GAPVD1: variants seen among roughly 807,000 people sequenced by gnomAD.
The protein encoded by GAPVD1 is GTPase-activating protein and VPS9 domain-containing protein 1.
Under a neutral mutation model 155.5 loss-of-function variants are expected in GAPVD1, and 35 were observed. The observed-to-expected ratio is 0.23, with a 90% CI of 0.17 to 0.30. The LOEUF is 0.30. GAPVD1 is among the 10% of genes least tolerant of loss of function. The pLI is 1.00. For synonymous variants in GAPVD1, 636 were observed against 619.7 expected (o/e 1.03, Z -0.39); for missense variants, 1,429 against 1,775.7 (o/e 0.80, Z 3.51).
At position 125,282,775 on chromosome 9, in the gene GAPVD1, G is replaced by C. The variant is rs1588625468; in HGVS notation, c.-149-12683G>C. ...TGAAGATGAGGAAATAAACTTTGGT[G>C]AAGTGCCTAGCCACAAGTCACGTTG... On this transcript the variant is annotated intron_variant, in intron 2 of 27. Coordinates refer to ENST00000297933, the MANE Select transcript of GAPVD1 (RefSeq NM_001282680.3). Among the ~76,000 whole-genome samples the C allele has an allele frequency of 3.3e-5, 5 of 152,240 alleles. 1 individual carries two copies. The highest frequency in any genetic ancestry group is 3.3e-4 in the Admixed American group (5 of 15,278).
At chr9:125,292,353 A>C (rs976251102) in intron 2 of GAPVD1, among the ~76,000 whole-genome samples, 2 of 152,062 alleles carry the variant, frequency 1.3e-5, no homozygotes, top group African/African-American at 2.4e-5. Flanking sequence ...ATTGACATGA[A>C]CAGAAATAAA....
chr9:125,285,368 A>G (rs996581727), intron 2 of GAPVD1, among the ~76,000 whole-genome samples: 14 of 152,068 alleles, frequency 9.2e-5, no homozygotes, highest in Admixed American at 2.0e-4. Context: ...GCTCTCAGTG[A>G]TAAGTGTTAA....
intron 2 of GAPVD1, among the ~76,000 whole-genome samples, chr9:125,293,840 TAA>T (rs1400741666): frequency 5.7e-5 from 5 of 87,156 alleles, no homozygotes; most frequent in African/African-American, 2.6e-4. Flanking sequence ...AATATATATA[TAA>T]AAATATATTT....
intron 9 of GAPVD1, among the ~76,000 whole-genome samples, chr9:125,315,752 C>T (rs1217145425): frequency 2.0e-5 from 3 of 151,986 alleles, no homozygotes; most frequent in African/African-American, 7.3e-5. Context: ...GGGAAGGAGA[C>T]ACCAGGGGGC....
chr9:125,364,221 A>T lies in GAPVD1; in HGVS notation c.*1475A>T, dbSNP rs1232421232. On this transcript the variant is annotated 3_prime_UTR_variant, in exon 28 of 28. Transcript: ENST00000297933. Reference sequence around the variant, plus strand: ...GTGTCTGGGAATGCCTAAAGATTTTATTTTTTTTTCTTTGTTTTTATTTTA... The same window carrying T: ...GTGTCTGGGAATGCCTAAAGATTTTTTTTTTTTTTCTTTGTTTTTATTTTA... 3 of 149,626 alleles carry T rather than the reference A, an allele frequency of 2.0e-5. No individual in the cohort carries two copies. The highest frequency in any genetic ancestry group is 4.9e-5 in the African/African-American group (2 of 40,774). The allele number at this position is 149,626 out of a possible 1,614,324, so 9.3% of individuals were successfully genotyped here. A position where few individuals can be genotyped will look rare whatever the true frequency, so the allele number is the denominator to read the frequency against.
chr9:125,292,228 T>G (rs1838723680), intron 2 of GAPVD1, among the ~76,000 whole-genome samples: 1 of 152,124 alleles, frequency 6.6e-6, no homozygotes, highest in Non-Finnish European at 1.5e-5. Flanking sequence ...AGCAAGACCC[T>G]GTCTCAGCAA....
intron 1 of GAPVD1, among the ~76,000 whole-genome samples, chr9:125,262,956 A>G (rs1833177745): frequency 6.6e-6 from 1 of 152,170 alleles, no homozygotes; most frequent in Non-Finnish European, 1.5e-5. Context: ...ATTTATGGTT[A>G]ACACTTCTTT....
Position 125,326,453 on chromosome 9 carries a change from G to A in GAPVD1, c.1896G>A (p.Lys632=). The A allele has an allele frequency of 1.9e-6, 3 of 1,613,246 alleles. No homozygotes were observed. The highest frequency in any genetic ancestry group is 1.1e-5 in the South Asian group (1 of 91,068). The change falls in exon 12 of 28, where the codon AAG becomes AAA. Residue 632 remains lysine, a synonymous_variant. Transcript: ENST00000297933. ...ATAACCTTGATGATAAGCTAAGGAAGTTTGAAATTCGTGACATGATGGGAT... is the reference window on the plus strand; with the variant it reads ...ATAACCTTGATGATAAGCTAAGGAAATTTGAAATTCGTGACATGATGGGAT... The part of the protein sequence containing the change: ...TQDNLDDKLR[K]FEIRDMMGLT...
intron 2 of GAPVD1, among the ~76,000 whole-genome samples, chr9:125,276,202 C>T (rs1009624143): frequency 2.6e-5 from 4 of 152,132 alleles, no homozygotes; most frequent in Admixed American, 1.3e-4. Flanking sequence ...TTGTGCCAGG[C>T]AGCGTTAGTT....
At chr9:125,282,366 G>T (rs1054051553) in intron 2 of GAPVD1, among the ~76,000 whole-genome samples, 2 of 151,980 alleles carry the variant, frequency 1.3e-5, no homozygotes, top group Admixed American at 1.3e-4. Flanking sequence ...TGAACTCCTG[G>T]CCTCAAGCAA....
intron 6 of GAPVD1, among the ~76,000 whole-genome samples, chr9:125,307,063 C>T (rs1183119453): frequency 2.0e-5 from 3 of 151,894 alleles, no homozygotes; most frequent in Admixed American, 6.6e-5. Context: ...GTCAGGAGTT[C>T]AAGACCAGCC....
At chr9:125,292,534 A>G (rs1588692245) in intron 2 of GAPVD1, among the ~76,000 whole-genome samples, 1 of 152,172 alleles carries the variant, frequency 6.6e-6, no homozygotes, top group East Asian at 1.9e-4. Context: ...CTGGGATTAC[A>G]GGTGTGCACC....
Position 125,312,514 on chromosome 9 carries a change from T to A in GAPVD1, c.1504T>A (p.Ser502Thr), listed in dbSNP as rs747043980. ...CCTACATATGGACCATGAAGGATCA[T>A]CTCAAGAAACCATTCAGGAGGTGCA... is the stretch of plus-strand genomic sequence containing the variant. ...MDLHMDHEGS[S>T]QETIQEVQPE... Residue 502 changes from serine to threonine, a missense_variant, in exon 9 of 28, where the codon TCT becomes ACT. Ser to Thr is a moderately conservative substitution (Grantham distance 58). Transcript: ENST00000297933. 10 of 1,610,206 alleles carry A rather than the reference T, an allele frequency of 6.2e-6. No homozygotes were observed. The highest frequency in any genetic ancestry group is 7.6e-6 in the Non-Finnish European group (9 of 1,178,078).
chr9:125,261,880 T>G lies in GAPVD1; in HGVS notation c.-278T>G, dbSNP rs1037835539. On this transcript the variant is annotated 5_prime_UTR_variant, in exon 1 of 28. Transcript: ENST00000297933. ...GTGGCGGCAGCGGCGGCGGGGGCAG[T>G]CACCGGCTAGGGCGACGGCTCCGAG... 6.5e-6 allele frequency: 1 copy of G among 154,064 alleles called. No individual in the cohort carries two copies. Among genetic ancestry groups the G allele is most frequent in the Non-Finnish European group, 1.4e-5 (1 of 69,422 alleles). 9.5% of individuals were successfully genotyped at this position (154,064 alleles called of 1,614,324 possible).
intron 2 of GAPVD1, among the ~76,000 whole-genome samples, chr9:125,284,008 G>C (rs1218685688): frequency 6.6e-6 from 1 of 151,774 alleles, no homozygotes; most frequent in Non-Finnish European, 1.5e-5. Flanking sequence ...CAAGTAGCCA[G>C]GACTACAGGT....
rs141725731 is a variant in GAPVD1 at position 125,337,101 on chromosome 9, C to G, written c.2506+6C>G. 1.4e-5 allele frequency: 22 copies of G among 1,606,744 alleles called. No homozygotes were observed. The highest frequency in any genetic ancestry group is 1.7e-4 in the Middle Eastern group (1 of 6,038). On this transcript the variant is annotated splice_donor_region_variant and intron_variant, in intron 16 of 27. Transcript: ENST00000297933. ...TCCACTGTCTTCACATGAAGGTAAA[C>G]CAGTGAAATGAACTTTTTCACTTAT...
rs993231012 is a variant in GAPVD1, at chr9:125,269,944, C to G, written c.-150+960C>G. On this transcript the variant is annotated intron_variant, in intron 2 of 27. Transcript: ENST00000297933. Reference sequence around the variant, plus strand: ...ATGTTGGCCAGGCTGGTCTTGAACTCCTACTCTCAAGTGATCTGCCCGCCT... The same window carrying G: ...ATGTTGGCCAGGCTGGTCTTGAACTGCTACTCTCAAGTGATCTGCCCGCCT... 3.3e-5 allele frequency among the ~76,000 whole-genome samples: 5 copies of G among 151,642 alleles called. No homozygotes were observed. In the South Asian group the frequency reaches 8.3e-4, roughly 25 times the overall value.
intron 2 of GAPVD1, among the ~76,000 whole-genome samples, chr9:125,271,336 T>C (rs373854302): frequency 2.0e-5 from 3 of 152,098 alleles, no homozygotes; most frequent in African/African-American, 7.2e-5. Flanking sequence ...TTAGTTCTTT[T>C]TTTTTTCCTT....
intron 20 of GAPVD1, 71 bp from the exon 21 acceptor site, chr9:125,349,319 G>T: frequency 7.6e-7 from 1 of 1,317,418 alleles, no homozygotes; most frequent in Non-Finnish European, 1.1e-6. Flanking sequence ...GAGTTGCTCT[G>T]AATACCTACT....
Sources: gnomAD v4.1 joint callset for allele counts (sites outside exome capture counted in the v4.1 genomes callset) on GRCh38, gnomAD v4.1.1 for gene constraint, MANE v1.5 for transcripts, NCBI Gene and HGNC (gene_info 2026-07-23, HGNC 2026-07-21) for gene names.